VAV1: variants seen among roughly 807,000 people sequenced by gnomAD.
VAV1 encodes the protein proto-oncogene vav.
A neutral mutation model predicts 128.1 loss-of-function variants in VAV1; 33 were observed. The observed-to-expected ratio is 0.26, with a 90% confidence interval of 0.20 to 0.34. The LOEUF (loss-of-function observed/expected upper bound fraction) is 0.34. Ranked by LOEUF, VAV1 falls within the 10% of genes least tolerant of loss-of-function variation. The pLI is 1.00. For synonymous variants in VAV1, 394 were observed against 409.8 expected (o/e 0.96, Z 0.47); for missense variants, 715 against 1,093.7 (o/e 0.65, Z 4.88).
At chr19:6,805,814 A>C (rs762912510) in intron 1 of VAV1, among the ~76,000 whole-genome samples, 1 of 152,004 alleles carries the variant, frequency 6.6e-6, no homozygotes, top group Non-Finnish European at 1.5e-5. Context: ...TTATATGAAT[A>C]AAAAAGAAAC....
At chr19:6,844,436 C>T (rs868200823) in intron 22 of VAV1, among the ~76,000 whole-genome samples, 7 of 152,010 alleles carry the variant, frequency 4.6e-5, no homozygotes, top group Non-Finnish European at 7.4e-5. Flanking sequence ...AGGCTGGTCT[C>T]GAACTCCTGA....
At chr19:6,845,917 T>C (rs909233115) in intron 22 of VAV1, among the ~76,000 whole-genome samples, 1 of 148,472 alleles carries the variant, frequency 6.7e-6, no homozygotes, top group African/African-American at 2.4e-5. Flanking sequence ...CTACATATTC[T>C]AGAGAATTAA....
Position 6,825,384 on chromosome 19 carries a change from G to A in VAV1, c.805G>A (p.Val269Ile), listed in dbSNP as rs1288629849. ...CCCTGGCGCAGCCAATCTCTACCAG[G>A]TCTTCATCAAATACAAGGAGAGGTG... ...GTPGAANLYQ[V>I]FIKYKERFLV... is the part of the protein sequence containing the mutation. The change falls in exon 8 of 27, where the codon GTC (valine) becomes ATC (isoleucine). Residue 269 changes from valine (V) to isoleucine (I), a missense_variant. By Grantham distance (29) the Val-to-Ile change is conservative (BLOSUM62 3). Around this residue, in one of 3 missense-constraint regions of VAV1, gnomAD observed 302 missense variants for 477.8 expected, o/e 0.63. Transcript: ENST00000602142. 3.7e-6 allele frequency: 6 copies of A among 1,613,274 alleles called. No homozygotes were observed. In the African/African-American group the frequency reaches 6.7e-5, roughly 18 times the overall value.
intron 22 of VAV1, among the ~76,000 whole-genome samples, chr19:6,846,944 C>T (rs1410792170): frequency 7.2e-5 from 10 of 139,860 alleles, no homozygotes; most frequent in South Asian, 4.4e-4. Flanking sequence ...GACAGAGTTT[C>T]GCACTGTTGC....
intron 2 of VAV1, among the ~76,000 whole-genome samples, 187 bp downstream of exon 2, chr19:6,821,005 T>C (rs896164363): frequency 6.6e-6 from 1 of 152,230 alleles, no homozygotes; most frequent in African/African-American, 2.4e-5. Flanking sequence ...ACTTGCTGTG[T>C]GACCTTGGAT....
intron 25 of VAV1, among the ~76,000 whole-genome samples, chr19:6,853,480 T>G (rs1047809460): frequency 2.0e-5 from 3 of 151,950 alleles, no homozygotes; most frequent in Admixed American, 1.3e-4. Flanking sequence ...CTCCAGCACT[T>G]CGGGAGGCCA....
Position 6,837,136 on chromosome 19 carries a change from G to A in VAV1, c.1980+86G>A, listed in dbSNP as rs148923431. On this transcript the variant is annotated intron_variant, in intron 21 of 26. Coordinates refer to ENST00000602142, the MANE Select transcript of VAV1 (RefSeq NM_005428.4). ...TGGACAGACTTGGAAAGACACCCCC[G>A]GAGTTGGGGAGGGGGCTGCCCATCA... is the stretch of plus-strand genomic sequence containing the variant. 1.4e-3 allele frequency: 1,971 copies of A among 1,387,912 alleles called. 10 individuals are homozygous for A. Among genetic ancestry groups the A allele is most frequent in the Middle Eastern group, 8.1e-3 (44 of 5,460 alleles). 86.0% of individuals were successfully genotyped at this position (1,387,912 alleles called of 1,614,324 possible). A position where few individuals can be genotyped will look rare whatever the true frequency, so the allele number is the denominator to read the frequency against.
At chr19:6,802,100 A>G (rs1268086479) in intron 1 of VAV1, among the ~76,000 whole-genome samples, 1 of 151,990 alleles carries the variant, frequency 6.6e-6, no homozygotes, top group Admixed American at 6.6e-5. Flanking sequence ...ACAAAAAACC[A>G]AACACCGCAT....
intron 1 of VAV1, among the ~76,000 whole-genome samples, chr19:6,775,803 G>A (rs1294640242): frequency 6.6e-6 from 1 of 152,172 alleles, no homozygotes; most frequent in African/African-American, 2.4e-5. Flanking sequence ...TTGAAGCAGA[G>A]CTGTGAATGC....
In VAV1 at chr19:6,850,747, G is replaced by A. The variant is rs752795410; in HGVS notation, c.2207G>A (p.Arg736Gln). ...LYRITEKKAF[R>Q]GLTELVEFYQ... ...CGGATCACAGAGAAAAAGGCTTTCC[G>A]GGGGCTTACGGTAAGGGTCAATGTC... is the stretch of plus-strand genomic sequence containing the variant. Residue 736 changes from arginine to glutamine, a missense_variant, in exon 24 of 27, where the codon CGG (arginine) becomes CAG (glutamine). Transcript: ENST00000602142. 4.3e-6 allele frequency: 7 copies of A among 1,613,828 alleles called. No homozygotes were observed. Among genetic ancestry groups the A allele is most frequent in the South Asian group, 1.1e-5 (1 of 91,058 alleles).
intron 1 of VAV1, among the ~76,000 whole-genome samples, chr19:6,790,212 A>G (rs1387748847): frequency 6.6e-6 from 1 of 152,072 alleles, no homozygotes; most frequent in East Asian, 1.9e-4. Flanking sequence ...TGCTGGGGAG[A>G]GGAAGAGGGG....
At chr19:6,833,491 G>C (rs759450110) in intron 16 of VAV1, 37 bp from the exon 17 acceptor site, 5 of 1,554,620 alleles carry the variant, frequency 3.2e-6, no homozygotes, top group Non-Finnish European at 4.4e-6. Flanking sequence ...GTCTGTAAAG[G>C]TCACTCGCTC....
In VAV1 at chr19:6,828,479, G is replaced by A. The variant is rs1971972340; in HGVS notation, c.1084G>A (p.Ala362Thr). ...GGAGAACCTGCGGCTGGCCCTGGAT[G>A]CCATGAGGGTGAGTGGGTGTAGGGT... is the stretch of plus-strand genomic sequence containing the variant. ...EKENLRLALDAMRDLAQCVNE... is the reference protein window; with the variant it reads ...EKENLRLALDTMRDLAQCVNE... The change falls in exon 11 of 27, where the codon GCC becomes ACC. Residue 362 changes from alanine to threonine, a missense_variant. Physicochemically the swap from Ala to Thr is moderately conservative, Grantham distance 58. Coordinates refer to ENST00000602142, the MANE Select transcript of VAV1 (RefSeq NM_005428.4). The surrounding 1 kb of genome is among the most constrained non-coding windows in gnomAD (Gnocchi z 4.5). 2 of 1,614,072 alleles carry A rather than the reference G, an allele frequency of 1.2e-6. No homozygotes were observed. The highest frequency in any genetic ancestry group is 1.7e-5 in the Admixed American group (1 of 60,006).
intron 1 of VAV1, among the ~76,000 whole-genome samples, chr19:6,809,394 G>T (rs753086973): frequency 2.6e-5 from 4 of 152,130 alleles, no homozygotes; most frequent in Non-Finnish European, 4.4e-5. Flanking sequence ...CTCTTTGGCT[G>T]GTAGGAGCTG....
chr19:6,830,364 G>A (rs1350959174), intron 14 of VAV1, among the ~76,000 whole-genome samples: 1 of 151,458 alleles, frequency 6.6e-6, no homozygotes, highest in African/African-American at 2.4e-5. Context: ...TTTTTAAATT[G>A]AGCACCTACT....
At chr19:6,807,137 A>G (rs1971413278) in intron 1 of VAV1, among the ~76,000 whole-genome samples, 1 of 152,136 alleles carries the variant, frequency 6.6e-6, no homozygotes. Context: ...TTTTCCATGG[A>G]CCAGAGTTAG....
At chr19:6,784,111 C>T (rs1335622042) in intron 1 of VAV1, 5 of 428,440 alleles carry the variant, frequency 1.2e-5, no homozygotes, top group Middle Eastern at 5.5e-4. Context: ...AAAATAAGCC[C>T]GGCATGGTGG....
chr19:6,845,752 A>T (rs1394894771), intron 22 of VAV1, among the ~76,000 whole-genome samples: 1 of 148,300 alleles, frequency 6.7e-6, no homozygotes, highest in Non-Finnish European at 1.5e-5. Flanking sequence ...TAGGTTACCT[A>T]TTTACTTTAC....
At position 6,822,338 on chromosome 19, in the gene VAV1, C is replaced by T. The variant is rs549237745; in HGVS notation, c.558+9C>T. 3.2e-5 allele frequency: 32 copies of T among 999,256 alleles called. No individual in the cohort carries two copies. The highest frequency in any genetic ancestry group is 3.2e-4 in the Middle Eastern group (1 of 3,092). The allele number at this position is 999,256 out of a possible 1,614,324, so 61.9% of individuals were successfully genotyped here. ...AGCCCGTGTCCATGCCGGTGCGTGACGTGGAGGGTCGGGCCTGGGGAGGGC... is the reference window on the plus strand; with the variant it reads ...AGCCCGTGTCCATGCCGGTGCGTGATGTGGAGGGTCGGGCCTGGGGAGGGC... On this transcript the variant is annotated intron_variant, in intron 5 of 26. Transcript: ENST00000602142. The surrounding 1 kb of genome is among the most constrained non-coding windows in gnomAD (Gnocchi z 5.9).
Sources: gnomAD v4.1 joint callset for allele counts (sites outside exome capture counted in the v4.1 genomes callset) on GRCh38, gnomAD v4.1.1 for gene constraint, gnomAD v4.1.1 regional missense constraint, Gnocchi (gnomAD v3.1) non-coding constraint, MANE v1.5 for transcripts, NCBI Gene and HGNC (gene_info 2026-07-23, HGNC 2026-07-21) for gene names.